The following THOC1 variants were observed in gnomAD, a reference collection of about 807,000 sequenced individuals.
The protein encoded by THOC1 is THO complex 1.
THOC1 carries 29 observed loss-of-function variants against 97.3 expected under a neutral mutation model. That is an observed-to-expected ratio of 0.30 (90% confidence interval 0.22 to 0.41). THOC1 has a LOEUF of 0.41. Among genes scored for constraint, THOC1 ranks in the 10% least tolerant of loss-of-function variants. THOC1 has a pLI of 1.00. For synonymous variants in THOC1, 255 were observed against 257.0 expected (o/e 0.99, Z 0.07); for missense variants, 529 against 761.9 (o/e 0.69, Z 3.60).
chr18:214,611 GAAAA>G lies in THOC1; in HGVS notation c.*11_*14del, dbSNP rs752029619. ...AAATCTATCACAGTTTTAATAAAAA[GAAAA>G]AAAAAAGAAGCTAACTATTTGTCTC... is the stretch of plus-strand genomic sequence containing the variant. On this transcript the variant is annotated 3_prime_UTR_variant, in exon 21 of 21. Coordinates refer to ENST00000261600, the MANE Select transcript of THOC1 (RefSeq NM_005131.3). 6.3e-6 allele frequency: 9 copies of G among 1,422,572 alleles called. No homozygotes were observed. The Admixed American group carries it at 1.2e-4, about 19-fold the overall frequency. 88.1% of individuals were successfully genotyped at this position (1,422,572 alleles called of 1,614,324 possible).
rs1784833 is a variant in THOC1, at chr18:219,072, A to T, written c.1371-103T>A. On this transcript the variant is annotated intron_variant, in intron 17 of 20. Coordinates refer to ENST00000261600, the MANE Select transcript of THOC1 (RefSeq NM_005131.3). ...GATTGTGGGCATGTGTTCCCTGAGC[A>T]GTACAAAAATAACCAGTGAGGATGG... 8 of 285,890 alleles carry T rather than the reference A, an allele frequency of 2.8e-5. 2 individuals carry two copies. Among genetic ancestry groups the T allele is most frequent in the Non-Finnish European group, 2.8e-5 (5 of 180,358 alleles). The allele number at this position is 285,890 out of a possible 1,614,324, so 17.7% of individuals were successfully genotyped here.
chr18:249,641 G>A (rs1313985636), intron 9 of THOC1, among the ~76,000 whole-genome samples: 3 of 147,878 alleles, frequency 2.0e-5, no homozygotes, highest in African/African-American at 7.5e-5. Context: ...CAGCCTGGGT[G>A]ACAGAGCGAG....
intron 11 of THOC1, among the ~76,000 whole-genome samples, chr18:228,562 C>T (rs1034048860): frequency 1.3e-5 from 2 of 152,030 alleles, no homozygotes; most frequent in Non-Finnish European, 2.9e-5. Flanking sequence ...ACAACCAACA[C>T]AGGTGGTGGG....
chr18:227,366 A>G (rs1245854993), intron 11 of THOC1, among the ~76,000 whole-genome samples: 2 of 152,154 alleles, frequency 1.3e-5, no homozygotes, highest in Non-Finnish European at 2.9e-5. Context: ...TTTCTCACAT[A>G]TGAAGAAATA....
At position 214,714 on chromosome 18, in the gene THOC1, G is replaced by A. The variant is rs762712809; in HGVS notation, c.1886C>T (p.Thr629Ile). 5 of 1,613,892 alleles carry A rather than the reference G, an allele frequency of 3.1e-6. No individual in the cohort carries two copies. The highest frequency in any genetic ancestry group is 1.7e-5 in the Admixed American group (1 of 60,028). ...AWQDQEGVHA[T>I]PENLINALNK... is the part of the protein sequence containing the mutation. ...CAGTGCATTAATCAGATTCTCAGGT[G>A]TTGCATGAACTCCCTCTTGATCTTG... The change falls in exon 21 of 21, where the codon ACA becomes ATA. Residue 629 changes from threonine to isoleucine, a missense_variant. Thr to Ile is a moderately conservative substitution (Grantham distance 89). Coordinates refer to ENST00000261600, the MANE Select transcript of THOC1 (RefSeq NM_005131.3).
chr18:255,306 G>A (rs530274078), intron 7 of THOC1, among the ~76,000 whole-genome samples: 4 of 152,196 alleles, frequency 2.6e-5, no homozygotes, highest in African/African-American at 7.2e-5. Context: ...GTTCTCTTGC[G>A]CTTAACAGTT....
chr18:220,042 T>C (rs557309003), intron 17 of THOC1, among the ~76,000 whole-genome samples: 1 of 152,306 alleles, frequency 6.6e-6, no homozygotes, highest in Admixed American at 6.5e-5. Flanking sequence ...AATGGGCTCT[T>C]TTAAGAAAAC....
intron 11 of THOC1, among the ~76,000 whole-genome samples, chr18:238,841 T>A (rs1388871276): frequency 6.6e-6 from 1 of 152,232 alleles, no homozygotes; most frequent in Non-Finnish European, 1.5e-5. Context: ...ATAGTCAATG[T>A]AAAACAAACT....
chr18:236,570 A>G (rs1470010586), intron 11 of THOC1, among the ~76,000 whole-genome samples: 4 of 151,002 alleles, frequency 2.6e-5, no homozygotes, highest in African/African-American at 9.7e-5. Context: ...TCACCGTGTT[A>G]GCCAGGATGG....
chr18:225,055 C>G (rs772631557), intron 14 of THOC1, 34 bp downstream of exon 14: 222 of 1,566,280 alleles, frequency 1.4e-4, no homozygotes, highest in Non-Finnish European at 1.8e-4. Flanking sequence ...CTATTTCGTG[C>G]TAAGAAGAGG....
intron 11 of THOC1, among the ~76,000 whole-genome samples, chr18:239,585 G>A (rs575121139): frequency 5.3e-4 from 81 of 152,172 alleles, no homozygotes; most frequent in Non-Finnish European, 9.1e-4. Flanking sequence ...GGACACAGGC[G>A]TGAGCCATTG....
chr18:239,217 TAC>T (rs1234666854), intron 11 of THOC1, among the ~76,000 whole-genome samples: 1 of 152,246 alleles, frequency 6.6e-6, no homozygotes, highest in Non-Finnish European at 1.5e-5. Flanking sequence ...TCTATAGGAT[TAC>T]AGAGTATTGA....
chr18:220,868 CTT>C (rs1911054771), intron 17 of THOC1, among the ~76,000 whole-genome samples: 1 of 152,064 alleles, frequency 6.6e-6, no homozygotes, highest in Non-Finnish European at 1.5e-5. Flanking sequence ...GATTTCTAAT[CTT>C]ATTTTACTTT....
At chr18:215,723 TCCCC>T in intron 19 of THOC1, 1 of 474,466 alleles carries the variant, frequency 2.1e-6, no homozygotes, top group South Asian at 3.1e-5. Context: ...TTGGAAAGAC[TCCCC>T]ACCCCCAATC....
At chr18:218,661 T>C (rs1425737518) in intron 18 of THOC1, among the ~76,000 whole-genome samples, 2 of 152,034 alleles carry the variant, frequency 1.3e-5, no homozygotes, top group Non-Finnish European at 2.9e-5. Context: ...GTTTTTTTTT[T>C]CTTATATTTT....
At position 225,013 on chromosome 18, in the gene THOC1, T is replaced by C. The variant is rs1221376506; in HGVS notation, c.1138-19A>G. ...ATATATGCTGGGAAAAACAAAGCGATTACATTTTGGTTAGTGGAATCCTCT... is the reference window on the plus strand; with the variant it reads ...ATATATGCTGGGAAAAACAAAGCGACTACATTTTGGTTAGTGGAATCCTCT... On this transcript the variant is annotated intron_variant, in intron 14 of 20. Transcript: ENST00000261600. 1.3e-6 allele frequency: 2 copies of C among 1,566,826 alleles called. No individual in the cohort carries two copies.
intron 17 of THOC1, among the ~76,000 whole-genome samples, chr18:221,330 T>A (rs1337353963): frequency 6.6e-6 from 1 of 152,170 alleles, no homozygotes; most frequent in Non-Finnish European, 1.5e-5. Context: ...TGGTGAAAAC[T>A]GACCCTGGGT....
intron 10 of THOC1, among the ~76,000 whole-genome samples, chr18:247,409 G>A (rs1912130550): frequency 6.6e-6 from 1 of 152,172 alleles, no homozygotes; most frequent in African/African-American, 2.4e-5. Context: ...CAACTACTCA[G>A]CTGTGCCATT....
chr18:262,556 G>A (rs1242275510), intron 4 of THOC1, among the ~76,000 whole-genome samples: 1 of 152,160 alleles, frequency 6.6e-6, no homozygotes, highest in Non-Finnish European at 1.5e-5. Flanking sequence ...AACATCACCA[G>A]CTGTGCAAGA....
Sources: gnomAD v4.1 joint callset for allele counts (sites outside exome capture counted in the v4.1 genomes callset) on GRCh38, gnomAD v4.1.1 for gene constraint, MANE v1.5 for transcripts, NCBI Gene and HGNC (gene_info 2026-07-23, HGNC 2026-07-21) for gene names.